Variants in XKR6 observed in about 807,000 individuals in gnomAD.
XKR6 encodes XK related 6.
XKR6 carries 22 observed loss-of-function variants against 56.7 expected under a neutral mutation model. The observed-to-expected ratio is 0.39, with a 90% CI of 0.28 to 0.55. XKR6 has a LOEUF of 0.55. XKR6 is among the 20% of genes least tolerant of loss of function. The probability of loss-of-function intolerance (pLI) is 0.66; values close to 1 mark genes in which losing one functional copy is unlikely to be tolerated. For missense variants in XKR6, 852 were observed against 889.0 expected (o/e 0.96, Z 0.53); for synonymous variants, 524 against 387.8 (o/e 1.35, Z -4.13).
At chr8:11,167,102 AAAATGTCAGAGTAGACAATTCC>A (rs1364990151) in intron 1 of XKR6, among the ~76,000 whole-genome samples, 3 of 152,130 alleles carry the variant, frequency 2.0e-5, no homozygotes, top group Non-Finnish European at 4.4e-5. Context: ...AGATGTCGAA[AAAATGTCAGAGTAGACAATTCC>A]AAGTGCCCAT....
At chr8:11,119,279 T>C (rs1799331602) in intron 1 of XKR6, among the ~76,000 whole-genome samples, 1 of 152,192 alleles carries the variant, frequency 6.6e-6, no homozygotes, top group South Asian at 2.1e-4. Flanking sequence ...AAAGAATGTA[T>C]ATTCTGTTGA....
At chr8:11,065,587 T>C (rs1799956120) in intron 1 of XKR6, among the ~76,000 whole-genome samples, 1 of 152,242 alleles carries the variant, frequency 6.6e-6, no homozygotes. Flanking sequence ...TACGTTTTTT[T>C]TTTTATCCTG....
intron 1 of XKR6, among the ~76,000 whole-genome samples, chr8:11,153,987 A>C (rs2116985318): frequency 6.6e-6 from 1 of 152,316 alleles, no homozygotes; most frequent in African/African-American, 2.4e-5. Flanking sequence ...GACCATTCCC[A>C]ACATAAAACT....
chr8:11,048,182 C>T (rs904960025), intron 1 of XKR6, among the ~76,000 whole-genome samples: 1 of 152,186 alleles, frequency 6.6e-6, no homozygotes, highest in Non-Finnish European at 1.5e-5. Flanking sequence ...GGAAGCCTAG[C>T]GCCTAGACAC....
chr8:11,182,996 C>G (rs2117095082), intron 1 of XKR6, among the ~76,000 whole-genome samples: 1 of 152,324 alleles, frequency 6.6e-6, no homozygotes, highest in South Asian at 2.1e-4. Flanking sequence ...CCTTATTTCA[C>G]TTTGCAGAAT....
At chr8:10,967,950 G>C (rs537849632) in intron 1 of XKR6, among the ~76,000 whole-genome samples, 1 of 152,288 alleles carries the variant, frequency 6.6e-6, no homozygotes, top group East Asian at 1.9e-4. Flanking sequence ...AGCCCTAGGA[G>C]ATTCCATCAG....
chr8:10,994,554 C>G (rs1363396554), intron 1 of XKR6, among the ~76,000 whole-genome samples: 1 of 152,192 alleles, frequency 6.6e-6, no homozygotes, highest in Non-Finnish European at 1.5e-5. Context: ...CTCTAAGAAT[C>G]AAATCTGGGA....
chr8:11,031,330 T>A (rs1798988552), intron 1 of XKR6, among the ~76,000 whole-genome samples: 1 of 152,168 alleles, frequency 6.6e-6, no homozygotes, highest in Admixed American at 6.5e-5. Flanking sequence ...TTGCCTTGGG[T>A]CTCCTGAGAT....
chr8:10,991,294 G>A (rs1365908396), intron 1 of XKR6, among the ~76,000 whole-genome samples: 1 of 152,062 alleles, frequency 6.6e-6, no homozygotes, highest in Non-Finnish European at 1.5e-5. Context: ...GGTGCTGATG[G>A]GAGCTGTCCA....
At chr8:11,129,308 TGATGTAAAAAGCTAA>T (rs991440270) in intron 1 of XKR6, among the ~76,000 whole-genome samples, 1 of 152,226 alleles carries the variant, frequency 6.6e-6, no homozygotes, top group Non-Finnish European at 1.5e-5. Flanking sequence ...CTAATACCCC[TGATGTAAAAAGCTAA>T]AAGTTTTATC....
At chr8:11,016,379 G>T (rs902876341) in intron 1 of XKR6, among the ~76,000 whole-genome samples, 3 of 152,162 alleles carry the variant, frequency 2.0e-5, no homozygotes, top group African/African-American at 7.2e-5. Flanking sequence ...TGTGCGCCGC[G>T]GGGACGCCGG....
chr8:11,078,353 A>G (rs1800328053), intron 1 of XKR6, among the ~76,000 whole-genome samples: 1 of 152,176 alleles, frequency 6.6e-6, no homozygotes, highest in East Asian at 1.9e-4. Flanking sequence ...CCACTTGCCC[A>G]AGAACACACA....
chr8:11,167,041 G>A (rs1802114026), intron 1 of XKR6, among the ~76,000 whole-genome samples: 1 of 152,106 alleles, frequency 6.6e-6, no homozygotes, highest in Admixed American at 6.6e-5. Flanking sequence ...AGAAGGAAAG[G>A]CTTCTGTGGG....
chr8:10,900,819 G>A (rs1377375951), intron 2 of XKR6, among the ~76,000 whole-genome samples: 1 of 150,738 alleles, frequency 6.6e-6, no homozygotes, highest in Admixed American at 6.6e-5. Flanking sequence ...ATGTGATGTA[G>A]GTTGCAGATT....
chr8:11,039,090 G>A (rs190198468), intron 1 of XKR6, among the ~76,000 whole-genome samples: 4 of 152,280 alleles, frequency 2.6e-5, no homozygotes, highest in African/African-American at 7.2e-5. Flanking sequence ...AGACCTCAGG[G>A]GACTTTGGCA....
intron 1 of XKR6, among the ~76,000 whole-genome samples, chr8:11,090,405 GTTT>G (rs34476021): frequency 6.8e-6 from 1 of 148,002 alleles, no homozygotes; most frequent in Admixed American, 6.8e-5. Flanking sequence ...CTTTTTAATG[GTTT>G]TTTTTTTTTC....
At chr8:11,144,273 C>G (rs1284921939) in intron 1 of XKR6, among the ~76,000 whole-genome samples, 1 of 125,942 alleles carries the variant, frequency 7.9e-6, no homozygotes, top group African/African-American at 3.6e-5. Context: ...GTAGGCTTCA[C>G]AGGTCTTCTC....
At chr8:11,184,989 C>G (rs1803195390) in intron 1 of XKR6, among the ~76,000 whole-genome samples, 1 of 152,170 alleles carries the variant, frequency 6.6e-6, no homozygotes, top group African/African-American at 2.4e-5. Context: ...AAATCCATTC[C>G]CAACCGGGCC....
chr8:11,006,614 A>T (rs1436896006), intron 1 of XKR6, among the ~76,000 whole-genome samples: 2 of 152,204 alleles, frequency 1.3e-5, no homozygotes, highest in Non-Finnish European at 1.5e-5. Flanking sequence ...TGGTGTCTGC[A>T]GACATGCAGG....
Sources: gnomAD v4.1 joint callset for allele counts (sites outside exome capture counted in the v4.1 genomes callset) on GRCh38, gnomAD v4.1.1 for gene constraint, MANE v1.5 for transcripts, NCBI Gene and HGNC (gene_info 2026-07-23, HGNC 2026-07-21) for gene names.